The following ARK2C variants were observed in gnomAD, a reference collection of about 807,000 sequenced individuals.
ARK2C encodes the protein arkadia (RNF111) C-terminal like ring finger ubiquitin ligase 2C, also known as E3 ubiquitin-protein ligase ARK2C.
At chr18:46,350,094 A>G in the ARK2C span, among the ~76,000 whole-genome samples, 1 of 152,226 alleles carries the variant, frequency 6.6e-6, no homozygotes, top group African/African-American at 2.4e-5. Context: ...ACCCCATGAT[A>G]CATACCCAGA....
the ARK2C span, among the ~76,000 whole-genome samples, chr18:46,355,545 C>T: frequency 5.9e-5 from 9 of 152,200 alleles, no homozygotes; most frequent in African/African-American, 9.6e-5. Context: ...CCTTCCCTCC[C>T]CAAACCAGCG....
At chr18:46,379,308 A>G in the ARK2C span, among the ~76,000 whole-genome samples, 1 of 152,258 alleles carries the variant, frequency 6.6e-6, no homozygotes, top group South Asian at 2.1e-4. Flanking sequence ...ACAAACACAA[A>G]ACCCTCTCCT....
the ARK2C span, among the ~76,000 whole-genome samples, chr18:46,372,567 A>G: frequency 2.0e-5 from 3 of 152,184 alleles, no homozygotes; most frequent in Non-Finnish European, 4.4e-5. Context: ...AGGGAGTGAC[A>G]CCATGTGAGG....
chr18:46,348,900 CTGTGTGTGTGTG>C, the ARK2C span, among the ~76,000 whole-genome samples: 51 of 144,692 alleles, frequency 3.5e-4, no homozygotes, highest in Admixed American at 3.4e-4. Flanking sequence ...CTCTCTCTTT[CTGTGTGTGTGTG>C]TGTGTGTGTG....
At chr18:46,380,224 G>T in the ARK2C span, among the ~76,000 whole-genome samples, 2 of 152,198 alleles carry the variant, frequency 1.3e-5, no homozygotes, top group Non-Finnish European at 2.9e-5. Flanking sequence ...GGCTGTGCCA[G>T]TCTCCTCTCC....
chr18:46,402,945 G>A, the ARK2C span, among the ~76,000 whole-genome samples: 2 of 152,322 alleles, frequency 1.3e-5, no homozygotes, highest in East Asian at 3.9e-4. Context: ...TCAACACCAT[G>A]GGTTTAATTA....
chr18:46,398,279 T>C, the ARK2C span, among the ~76,000 whole-genome samples: 2,542 of 151,494 alleles, frequency 0.017, 42 homozygotes, highest in East Asian at 0.095. Context: ...ATGTGGTGTG[T>C]GTGTGAGTGT....
chr18:46,411,262 G>C, the ARK2C span, among the ~76,000 whole-genome samples: 1 of 152,322 alleles, frequency 6.6e-6, no homozygotes, highest in South Asian at 2.1e-4. Context: ...AGGGTCACTG[G>C]CAAGTAGCTT....
the ARK2C span, among the ~76,000 whole-genome samples, chr18:46,409,068 G>T: frequency 6.6e-6 from 1 of 152,170 alleles, no homozygotes; most frequent in Non-Finnish European, 1.5e-5. Flanking sequence ...GAGTTCTGAG[G>T]ATTAAATGAG....
the ARK2C span, among the ~76,000 whole-genome samples, chr18:46,389,746 T>C: frequency 6.6e-6 from 1 of 151,948 alleles, no homozygotes; most frequent in African/African-American, 2.4e-5. Context: ...TTTTTTTTTT[T>C]CAGACAAGGT....
chr18:46,404,506 C>A, the ARK2C span, among the ~76,000 whole-genome samples: 1 of 152,146 alleles, frequency 6.6e-6, no homozygotes, highest in African/African-American at 2.4e-5. Context: ...GTAATCCCAG[C>A]ACTTTGGGTG....
the ARK2C span, chr18:46,460,257 G>A: frequency 1.2e-4 from 19 of 152,568 alleles, no homozygotes; most frequent in East Asian, 5.8e-4. Context: ...GCCTGTAGGC[G>A]GGACAAACAC....
chr18:46,456,723 C>A, the ARK2C span: 2 of 916,860 alleles, frequency 2.2e-6, no homozygotes, highest in Non-Finnish European at 3.6e-6. Flanking sequence ...GCCTTCTGAG[C>A]CATTTGACGT....
chr18:46,413,811 T>C, the ARK2C span, among the ~76,000 whole-genome samples: 1 of 152,154 alleles, frequency 6.6e-6, no homozygotes, highest in Non-Finnish European at 1.5e-5. Context: ...AGGATGTACA[T>C]ACAGAGAAAA....
the ARK2C span, among the ~76,000 whole-genome samples, chr18:46,338,810 A>G: frequency 1.3e-5 from 2 of 152,268 alleles, no homozygotes; most frequent in Admixed American, 6.5e-5. Context: ...AAGGGTCATC[A>G]TTTTGGAGCT....
At chr18:46,441,969 C>T in the ARK2C span, among the ~76,000 whole-genome samples, 149 of 151,428 alleles carry the variant, frequency 9.8e-4, no homozygotes, top group Non-Finnish European at 1.5e-3. Context: ...TCGAGACCAT[C>T]CTGGCTGACA....
At chr18:46,429,699 T>C in the ARK2C span, among the ~76,000 whole-genome samples, 1 of 152,202 alleles carries the variant, frequency 6.6e-6, no homozygotes, top group Admixed American at 6.5e-5. Context: ...TCCATAGCAT[T>C]TTTACAAATT....
the ARK2C span, among the ~76,000 whole-genome samples, chr18:46,340,540 A>G: frequency 1.1e-3 from 164 of 152,332 alleles, 3 homozygotes; most frequent in South Asian, 0.033. Context: ...GAAACCAGAT[A>G]CTGTCTAAGA....
the ARK2C span, among the ~76,000 whole-genome samples, chr18:46,443,046 G>A: frequency 1.3e-5 from 2 of 152,112 alleles, no homozygotes; most frequent in African/African-American, 4.8e-5. Flanking sequence ...TATCTTGAAT[G>A]GACAGCATAT....
Sources: allele counts gnomAD v4.1 joint callset (sites outside exome capture counted in the v4.1 genomes callset), GRCh38; gene constraint gnomAD v4.1.1; transcripts MANE v1.5; gene names NCBI Gene and HGNC (gene_info 2026-07-23, HGNC 2026-07-21).